Variants in UROS observed in about 807,000 individuals in gnomAD.
UROS encodes the protein uroporphyrinogen III synthase.
A neutral mutation model predicts 33.0 loss-of-function variants in UROS; 18 were observed. The observed-to-expected ratio is 0.55, with a 90% CI of 0.38 to 0.81. UROS has a LOEUF of 0.81. Among genes scored for constraint, UROS ranks in the 30% least tolerant of loss-of-function variants. UROS has a pLI of 0.00. For synonymous variants in UROS, 114 were observed against 121.1 expected (o/e 0.94, Z 0.38); for missense variants, 293 against 314.9 (o/e 0.93, Z 0.53).
chr10:125,787,404 T>G (rs899544785), downstream of UROS, among the ~76,000 whole-genome samples: 3 of 152,188 alleles, frequency 2.0e-5, no homozygotes, highest in Non-Finnish European at 2.9e-5. Flanking sequence ...CTCTTCACCA[T>G]GCATGAGGGC....
intron 6 of UROS, among the ~76,000 whole-genome samples, chr10:125,806,232 T>C (rs1852320595): frequency 1.3e-5 from 2 of 152,322 alleles, no homozygotes; most frequent in East Asian, 1.9e-4. Flanking sequence ...GAGTATTTTT[T>C]TTAAATAACA....
At position 125,796,123 on chromosome 10, in the gene UROS, T is replaced by C; in HGVS notation, c.541A>G (p.Asn181Asp). ...VAHPGIQGNL[N>D]SYYSQQGVPA... Reference sequence around the variant, plus strand: ...CGTACCTGCTGGGAATAGTAGCTGTTCAGGTTCCCTTGGATTCCTGGGTGT... The same window carrying C: ...CGTACCTGCTGGGAATAGTAGCTGTCCAGGTTCCCTTGGATTCCTGGGTGT... The change falls in exon 8 of 10, where the codon AAC becomes GAC. Residue 181 changes from asparagine (N) to aspartate (D), a missense_variant. Coordinates refer to ENST00000368797, the MANE Select transcript of UROS (RefSeq NM_000375.3). 1 of 1,614,168 alleles carries C rather than the reference T, an allele frequency of 6.2e-7. No homozygotes were observed. Among genetic ancestry groups the C allele is most frequent in the South Asian group, 1.1e-5 (1 of 91,078 alleles).
intron 7 of UROS, among the ~76,000 whole-genome samples, chr10:125,797,506 G>T (rs536064898): frequency 6.6e-6 from 1 of 152,198 alleles, no homozygotes; most frequent in Non-Finnish European, 1.5e-5. Context: ...GATAGACTTT[G>T]CTCCCAGACT....
At position 125,798,080 on chromosome 10, in the gene UROS, C is replaced by A. The variant is rs1851516887; in HGVS notation, c.460G>T (p.Ala154Ser). ...TTCTACTCGCCTTTGTCCTTGAGCG[C>A]TTTTGGCAGGATTTCTCTTTTGAGG... ...GNLKREILPK[A>S]LKDKGIAMES... is the part of the protein sequence containing the mutation. The change falls in exon 7 of 10, where the codon GCG becomes TCG. Residue 154 changes from alanine to serine, a missense_variant. Coordinates refer to ENST00000368797, the MANE Select transcript of UROS (RefSeq NM_000375.3). 6.2e-7 allele frequency: 1 copy of A among 1,613,922 alleles called. No individual in the cohort carries two copies.
chr10:125,803,121 G>A, intron 6 of UROS: 2 of 1,563,406 alleles, frequency 1.3e-6, no homozygotes, highest in Non-Finnish European at 1.7e-6. Context: ...GAGTCAGCCA[G>A]TCCTAGGCTT....
In UROS at chr10:125,794,997, A is replaced by G. The variant is rs1389901578; in HGVS notation, c.562-19T>C. On this transcript the variant is annotated intron_variant, in intron 8 of 9. Coordinates refer to ENST00000368797, the MANE Select transcript of UROS (RefSeq NM_000375.3). ...GAACCCCCTGTGGGGAACAGAAAAC[A>G]AGATCAGTCCTTGCCATGAGACTGA... The G allele has an allele frequency of 3.1e-6, 5 of 1,601,034 alleles. No homozygotes were observed. The highest frequency in any genetic ancestry group is 3.4e-6 in the Non-Finnish European group (4 of 1,168,188).
chr10:125,795,439 A>C (rs1851274278), intron 8 of UROS, among the ~76,000 whole-genome samples: 1 of 152,226 alleles, frequency 6.6e-6, no homozygotes, highest in African/African-American at 2.4e-5. Context: ...ACCAGGCAAG[A>C]CATTCAGAAG....
chr10:125,811,396 G>A (rs1444021326), intron 5 of UROS, among the ~76,000 whole-genome samples: 1 of 152,148 alleles, frequency 6.6e-6, no homozygotes, highest in Non-Finnish European at 1.5e-5. Context: ...TGTGCGGGAG[G>A]GAAGATGGTT....
intron 9 of UROS, chr10:125,789,354 G>A: frequency 8.1e-7 from 1 of 1,229,624 alleles, no homozygotes; most frequent in Non-Finnish European, 1.0e-6. Flanking sequence ...GGGTGTTGGG[G>A]GCCCTGGGTC....
downstream of UROS, among the ~76,000 whole-genome samples, chr10:125,787,210 C>T (rs528549550): frequency 6.6e-6 from 1 of 152,278 alleles, no homozygotes; most frequent in African/African-American, 2.4e-5. Context: ...CCTTTGTCCC[C>T]GATTCTGTCC....
At chr10:125,796,815 T>C (rs556835567) in intron 7 of UROS, 14 of 985,376 alleles carry the variant, frequency 1.4e-5, no homozygotes, top group African/African-American at 1.4e-4. Flanking sequence ...TATTGACTTA[T>C]GAGGGGCAGC....
At chr10:125,797,899 G>A (rs772496680) in intron 7 of UROS, among the ~76,000 whole-genome samples, 166 bp downstream of exon 7, 3 of 152,206 alleles carry the variant, frequency 2.0e-5, no homozygotes, top group Non-Finnish European at 2.9e-5. Flanking sequence ...CAGACTGCAC[G>A]TCCACTCTTC....
Position 125,816,432 on chromosome 10 carries a change from C to T in UROS, c.63+5G>A, listed in dbSNP as rs765219125. ...CTGTGGGATAAGGAGTCTCAGGCCA[C>T]TTACCCTGATATACGGATCCTGGCC... is the stretch of plus-strand genomic sequence containing the variant. On this transcript the variant is annotated splice_donor_5th_base_variant and intron_variant, in intron 2 of 9. Coordinates refer to ENST00000368797, the MANE Select transcript of UROS (RefSeq NM_000375.3). The T allele has an allele frequency of 6.2e-7, 1 of 1,614,152 alleles. No individual in the cohort carries two copies. The highest frequency in any genetic ancestry group is 1.1e-5 in the South Asian group (1 of 91,084).
At chr10:125,794,793 T>G in intron 9 of UROS, 87 bp downstream of exon 9, 1 of 1,314,050 alleles carries the variant, frequency 7.6e-7, no homozygotes, top group Non-Finnish European at 1.1e-6. Context: ...GGTGTCTCAC[T>G]TGACATTGAA....
intron 9 of UROS, chr10:125,794,054 T>G (rs1475455914): frequency 6.6e-6 from 1 of 152,382 alleles, no homozygotes; most frequent in African/African-American, 2.4e-5. Flanking sequence ...TATCAGTTAC[T>G]GCCCAGAAGT....
At chr10:125,804,816 C>G (rs1004058963) in intron 6 of UROS, among the ~76,000 whole-genome samples, 1 of 152,210 alleles carries the variant, frequency 6.6e-6, no homozygotes, top group Admixed American at 6.5e-5. Flanking sequence ...GTCACTTAAT[C>G]CACCCTGCCT....
intron 9 of UROS, among the ~76,000 whole-genome samples, chr10:125,790,783 C>CAA (rs368264390): frequency 0.4 from 48,444 of 122,064 alleles, 9,642 homozygotes; most frequent in Non-Finnish European, 0.48. Context: ...AACTCCATCT[C>CAA]AAAAAAAAAA....
At chr10:125,816,770 G>T (rs1228693096) in intron 1 of UROS, 1 of 565,206 alleles carries the variant, frequency 1.8e-6, no homozygotes, top group Non-Finnish European at 3.2e-6. Context: ...ATTAGTGAAA[G>T]CCAAGTGTCC....
At chr10:125,811,879 A>C (rs1852846628) in intron 5 of UROS, among the ~76,000 whole-genome samples, 1 of 152,280 alleles carries the variant, frequency 6.6e-6, no homozygotes, top group Admixed American at 6.5e-5. Context: ...ATATAACATA[A>C]AATTTGTCAT....
Sources: gnomAD v4.1 joint callset for allele counts (sites outside exome capture counted in the v4.1 genomes callset) on GRCh38, gnomAD v4.1.1 for gene constraint, MANE v1.5 for transcripts, NCBI Gene and HGNC (gene_info 2026-07-23, HGNC 2026-07-21) for gene names.